THSD4: variants seen among roughly 807,000 people sequenced by gnomAD.
THSD4 encodes the protein thrombospondin type-1 domain-containing protein 4.
THSD4 carries 69 observed loss-of-function variants against 119.0 expected under a neutral mutation model. The observed-to-expected ratio is 0.58, with a 90% CI of 0.48 to 0.71. The LOEUF is 0.71. THSD4 is among the 30% of genes least tolerant of loss of function. The pLI is 0.00. For synonymous variants in THSD4, 524 were observed against 540.4 expected, an observed-to-expected ratio of 0.97 and a Z score of 0.42; for missense variants, 1,393 against 1,391.1, an observed-to-expected ratio of 1.00 and a Z score of -0.02.
chr15:71,455,082 T>A (rs1010813874), intron 7 of THSD4, among the ~76,000 whole-genome samples: 13 of 152,216 alleles, frequency 8.5e-5, no homozygotes, highest in Non-Finnish European at 1.3e-4. Context: ...TTTTCTACCA[T>A]GAGAAAATTC....
At chr15:71,652,991 T>TA (rs1212139552) in intron 7 of THSD4, among the ~76,000 whole-genome samples, 3 of 152,230 alleles carry the variant, frequency 2.0e-5, no homozygotes, top group Non-Finnish European at 4.4e-5. Flanking sequence ...ATCAGGGCTG[T>TA]ATCTCTTTTT....
chr15:71,581,082 AG>A (rs2049550128), intron 7 of THSD4, among the ~76,000 whole-genome samples: 1 of 152,110 alleles, frequency 6.6e-6, no homozygotes, highest in Admixed American at 6.6e-5. Context: ...TACTCAGAAG[AG>A]GGATAGCTGG....
intron 7 of THSD4, among the ~76,000 whole-genome samples, chr15:71,503,097 G>T (rs1465227171): frequency 6.6e-6 from 1 of 152,124 alleles, no homozygotes; most frequent in East Asian, 1.9e-4. Context: ...AGTGACTGAA[G>T]GACAATTTTA....
chr15:71,120,105 G>C (rs1243008557), intron 1 of THSD4, among the ~76,000 whole-genome samples: 1 of 152,140 alleles, frequency 6.6e-6, no homozygotes, highest in African/African-American at 2.4e-5. Context: ...TCAAATCCAG[G>C]GTTTTGTGTC....
intron 7 of THSD4, among the ~76,000 whole-genome samples, chr15:71,442,954 T>A (rs185386486): frequency 6.6e-6 from 1 of 151,700 alleles, no homozygotes; most frequent in African/African-American, 2.4e-5. Flanking sequence ...CTAGACTGTT[T>A]ATGCATCGAA....
intron 7 of THSD4, among the ~76,000 whole-genome samples, chr15:71,552,771 C>T (rs1349307400): frequency 2.6e-5 from 4 of 152,114 alleles, no homozygotes; most frequent in Non-Finnish European, 5.9e-5. Context: ...TTCAGCCTCC[C>T]GAGTAGCTGG....
intron 7 of THSD4, among the ~76,000 whole-genome samples, chr15:71,558,466 T>C (rs977829906): frequency 2.0e-5 from 3 of 152,214 alleles, no homozygotes; most frequent in African/African-American, 7.2e-5. Flanking sequence ...AGTATTTTTA[T>C]TATTAGTCAG....
intron 11 of THSD4, among the ~76,000 whole-genome samples, chr15:71,738,598 A>G (rs888813894): frequency 2.6e-5 from 4 of 152,212 alleles, no homozygotes; most frequent in African/African-American, 9.7e-5. Context: ...TGGAGATGCC[A>G]GGCGCCAGCT....
chr15:71,142,377 C>T (rs2040613313), intron 2 of THSD4, among the ~76,000 whole-genome samples: 2 of 151,996 alleles, frequency 1.3e-5, no homozygotes, highest in Admixed American at 6.6e-5. Context: ...TCCATGTTAT[C>T]GAAGTTGTTT....
intron 4 of THSD4, among the ~76,000 whole-genome samples, chr15:71,238,756 C>T (rs2044127350): frequency 6.6e-6 from 1 of 152,154 alleles, no homozygotes; most frequent in South Asian, 2.1e-4. Context: ...TATGAACATT[C>T]ATGTATAAGT....
At chr15:71,538,185 C>CA (rs550686640) in intron 7 of THSD4, among the ~76,000 whole-genome samples, 134 of 152,224 alleles carry the variant, frequency 8.8e-4, no homozygotes, top group African/African-American at 3.1e-3. Flanking sequence ...AATCCTTCCC[C>CA]ACATTAAGAA....
chr15:71,310,533 C>A (rs533759400), intron 6 of THSD4, among the ~76,000 whole-genome samples: 1 of 152,168 alleles, frequency 6.6e-6, no homozygotes, highest in Non-Finnish European at 1.5e-5. Flanking sequence ...AGGATGTGAT[C>A]TAATGCTAAT....
intron 3 of THSD4, among the ~76,000 whole-genome samples, chr15:71,165,961 G>T (rs1408189623): frequency 6.6e-6 from 1 of 152,116 alleles, no homozygotes; most frequent in Non-Finnish European, 1.5e-5. Flanking sequence ...GTGGTTATGT[G>T]GTGCTCTCTC....
intron 16 of THSD4, 141 bp downstream of exon 16, chr15:71,765,340 G>T: frequency 9.7e-7 from 1 of 1,034,048 alleles, no homozygotes; most frequent in Non-Finnish European, 1.3e-6. Flanking sequence ...GTAGCTGCTG[G>T]AGTACCCCGT....
chr15:71,546,599 C>T (rs1012027857), intron 7 of THSD4, among the ~76,000 whole-genome samples: 1 of 152,148 alleles, frequency 6.6e-6, no homozygotes, highest in Non-Finnish European at 1.5e-5. Context: ...ATGTTACCAC[C>T]TATTTTTACA....
At chr15:71,256,403 A>T (rs2044316613) in intron 5 of THSD4, among the ~76,000 whole-genome samples, 1 of 151,598 alleles carries the variant, frequency 6.6e-6, no homozygotes, top group Non-Finnish European at 1.5e-5. Flanking sequence ...TGAACCTGGG[A>T]GGTGGAGGTT....
At chr15:71,472,065 C>A (rs561321142) in intron 7 of THSD4, among the ~76,000 whole-genome samples, 2 of 152,256 alleles carry the variant, frequency 1.3e-5, no homozygotes, top group African/African-American at 4.8e-5. Flanking sequence ...CAGGCATGCA[C>A]CACCATGCCT....
intron 6 of THSD4, among the ~76,000 whole-genome samples, chr15:71,326,961 A>T (rs554216620): frequency 6.6e-6 from 1 of 151,424 alleles, no homozygotes; most frequent in South Asian, 2.1e-4. Flanking sequence ...TGAGGCCGGG[A>T]GTTCAAGACT....
chr15:71,657,596 A>G (rs2051216806), intron 7 of THSD4, among the ~76,000 whole-genome samples: 1 of 152,216 alleles, frequency 6.6e-6, no homozygotes, highest in Non-Finnish European at 1.5e-5. Flanking sequence ...AGGCCTGGGT[A>G]GCCACTAGAA....
Sources: allele counts gnomAD v4.1 joint callset (sites outside exome capture counted in the v4.1 genomes callset), GRCh38; gene constraint gnomAD v4.1.1; transcripts MANE v1.5; gene names NCBI Gene and HGNC (gene_info 2026-07-23, HGNC 2026-07-21).